GLIS3: variants seen among roughly 807,000 people sequenced by gnomAD.
GLIS3 encodes GLIS family zinc finger 3.
A neutral mutation model predicts 78.6 loss-of-function variants in GLIS3; 53 were observed. That is an observed-to-expected ratio of 0.67 (90% CI 0.54 to 0.85). The LOEUF is 0.85. Ranked by LOEUF, GLIS3 falls within the 40% of genes least tolerant of loss-of-function variation. The probability of loss-of-function intolerance (pLI) is 0.00; values close to 1 mark genes in which losing one functional copy is unlikely to be tolerated. For synonymous variants in GLIS3, 684 were observed against 509.9 expected (o/e 1.34, Z -4.60); for missense variants, 1,703 against 1,231.1 (o/e 1.38, Z -5.74).
At chr9:4,239,923 G>A (rs1187039098) in intron 2 of GLIS3, among the ~76,000 whole-genome samples, 1 of 152,038 alleles carries the variant, frequency 6.6e-6, no homozygotes, top group Non-Finnish European at 1.5e-5. Flanking sequence ...AAGGATAACA[G>A]CCCCATCTCA....
the GLIS3 span, among the ~76,000 whole-genome samples, chr9:4,405,619 G>A: frequency 1.4e-4 from 21 of 151,908 alleles, no homozygotes; most frequent in African/African-American, 1.9e-4. Context: ...AAGACCCAAC[G>A]GCTTCACTTC....
the GLIS3 span, among the ~76,000 whole-genome samples, chr9:4,409,154 A>G: frequency 1.3e-5 from 2 of 152,318 alleles, no homozygotes; most frequent in African/African-American, 2.4e-5. Flanking sequence ...TTCTGCTTAT[A>G]TAAGCAAGAC....
chr9:3,946,998 C>G (rs935529098), intron 4 of GLIS3, among the ~76,000 whole-genome samples: 4 of 143,252 alleles, frequency 2.8e-5, no homozygotes, highest in Non-Finnish European at 6.5e-5. Context: ...GTCGGCCATC[C>G]TACAGCCAAC....
intron 4 of GLIS3, among the ~76,000 whole-genome samples, chr9:4,060,510 C>A (rs1168720122): frequency 1.3e-5 from 2 of 152,142 alleles, no homozygotes; most frequent in Non-Finnish European, 2.9e-5. Context: ...GTGACTGGGT[C>A]ATGACAGCTC....
At chr9:3,874,732 AC>A (rs1412580313) in intron 8 of GLIS3, among the ~76,000 whole-genome samples, 1 of 151,620 alleles carries the variant, frequency 6.6e-6, no homozygotes, top group Non-Finnish European at 1.5e-5. Flanking sequence ...CTGGGGGAAA[AC>A]CCCCACACAG....
At chr9:4,071,650 A>G (rs1319626084) in intron 4 of GLIS3, 3 of 152,146 alleles carry the variant, frequency 2.0e-5, no homozygotes, top group Non-Finnish European at 2.9e-5. Context: ...CAATATTGGT[A>G]CCCTTTAGGA....
intron 2 of GLIS3, among the ~76,000 whole-genome samples, chr9:4,313,850 C>T (rs964942740): frequency 1.4e-4 from 21 of 152,154 alleles, no homozygotes; most frequent in Admixed American, 9.8e-4. Context: ...AGGTGATCAG[C>T]GTGCATGGTC....
chr9:4,339,432 T>G (rs1817801225), intron 2 of GLIS3, among the ~76,000 whole-genome samples: 1 of 152,144 alleles, frequency 6.6e-6, no homozygotes, highest in African/African-American at 2.4e-5. Context: ...TCTTTATTTT[T>G]AAAGAATGAC....
chr9:4,272,619 C>A (rs146577456), intron 2 of GLIS3, among the ~76,000 whole-genome samples: 2,727 of 152,218 alleles, frequency 0.018, 89 homozygotes, highest in African/African-American at 0.062. Flanking sequence ...TAAAATGCTA[C>A]ATAATTGCTA....
rs112379153 is a variant in GLIS3 at position 3,936,854 on chromosome 9, A to G, written c.1872+174T>C. Among the ~76,000 whole-genome samples, 831 of 152,328 alleles carry G rather than the reference A, an allele frequency of 5.5e-3. 8 individuals carry two copies. The highest frequency in any genetic ancestry group is 0.019 in the African/African-American group (803 of 41,560). ...TAAACTGCTGCTACAGAAAAATGAA[A>G]CAGCCAAATAAATAGGGCCCCATCT... On this transcript the variant is annotated intron_variant, in intron 5 of 10. Coordinates refer to ENST00000381971, the MANE Select transcript of GLIS3 (RefSeq NM_001042413.2).
At chr9:4,078,370 C>T (rs920395595) in intron 4 of GLIS3, among the ~76,000 whole-genome samples, 2 of 152,114 alleles carry the variant, frequency 1.3e-5, no homozygotes, top group South Asian at 2.1e-4. Context: ...TTCTGGGAAA[C>T]CCCTGGGTTC....
chr9:4,085,336 C>T (rs1374983743), intron 4 of GLIS3, among the ~76,000 whole-genome samples: 1 of 151,724 alleles, frequency 6.6e-6, no homozygotes, highest in African/African-American at 2.4e-5. Flanking sequence ...TCATTTCTTA[C>T]TCTGCATTTT....
chr9:4,029,839 ATCCG>A (rs1823678081), intron 4 of GLIS3, among the ~76,000 whole-genome samples: 1 of 152,146 alleles, frequency 6.6e-6, no homozygotes, highest in African/African-American at 2.4e-5. Flanking sequence ...TAATCCATTC[ATCCG>A]TTGATGGACA....
intron 6 of GLIS3, among the ~76,000 whole-genome samples, chr9:3,916,410 G>A (rs1824515917): frequency 6.6e-6 from 1 of 152,210 alleles, no homozygotes; most frequent in African/African-American, 2.4e-5. Context: ...GCAAACCGGG[G>A]TGTCCCCCTG....
chr9:4,081,868 T>C (rs1384352941), intron 4 of GLIS3, among the ~76,000 whole-genome samples: 4 of 152,224 alleles, frequency 2.6e-5, no homozygotes, highest in Non-Finnish European at 5.9e-5. Flanking sequence ...TGGTAAATTG[T>C]TCTCCTTTTT....
At chr9:4,454,578 A>G in the GLIS3 span, among the ~76,000 whole-genome samples, 21 of 152,312 alleles carry the variant, frequency 1.4e-4, no homozygotes, top group African/African-American at 4.3e-4. Context: ...GGGTAAATCT[A>G]GGAGATACTA....
rs1470094375 is a variant in GLIS3 at position 4,086,824 on chromosome 9, A to C, written c.1710+30944T>G. Among the ~76,000 whole-genome samples, 3 of 152,194 alleles carry C rather than the reference A, an allele frequency of 2.0e-5. No individual in the cohort carries two copies. In the East Asian group the frequency reaches 5.8e-4, roughly 29 times the overall value. ...AACTTGAATAACCCCTGTGGAGATT[A>C]ATCTCTTTTTCCCCTCAAGTCCCAC... On this transcript the variant is annotated intron_variant, in intron 4 of 10. Transcript: ENST00000381971.
intron 2 of GLIS3, among the ~76,000 whole-genome samples, chr9:4,162,166 G>A (rs1417672913): frequency 6.6e-6 from 1 of 152,092 alleles, no homozygotes; most frequent in Admixed American, 6.5e-5. Flanking sequence ...TGCTCTCCCT[G>A]TATGTCTTCT....
At chr9:4,141,785 TTAAC>T (rs1158512570) in intron 2 of GLIS3, among the ~76,000 whole-genome samples, 1 of 152,048 alleles carries the variant, frequency 6.6e-6, no homozygotes, top group African/African-American at 2.4e-5. Context: ...TCACATAACT[TTAAC>T]TAAAATACCA....
Sources: gnomAD v4.1 joint callset for allele counts (sites outside exome capture counted in the v4.1 genomes callset) on GRCh38, gnomAD v4.1.1 for gene constraint, MANE v1.5 for transcripts, NCBI Gene and HGNC (gene_info 2026-07-23, HGNC 2026-07-21) for gene names.